Variants in BAZ2B observed in about 807,000 individuals in gnomAD.
BAZ2B encodes the protein bromodomain adjacent to zinc finger domain protein 2B.
BAZ2B carries 91 observed loss-of-function variants against 246.0 expected under a neutral mutation model. The observed-to-expected ratio is 0.37, with a 90% CI of 0.31 to 0.44. BAZ2B has a LOEUF of 0.44. Among genes scored for constraint, BAZ2B ranks in the 20% least tolerant of loss-of-function variants. BAZ2B has a pLI of 1.00. For synonymous variants in BAZ2B, 855 were observed against 860.0 expected (o/e 0.99, Z 0.10); for missense variants, 2,332 against 2,533.7 (o/e 0.92, Z 1.71).
At chr2:159,604,951 T>TGC (rs66698312) in intron 1 of BAZ2B, among the ~76,000 whole-genome samples, 39 of 144,428 alleles carry the variant, frequency 2.7e-4, no homozygotes, top group South Asian at 2.3e-3. Context: ...TGTGTGTGTG[T>TGC]GCGCGTGTGT....
chr2:159,673,739 A>T, the BAZ2B span, among the ~76,000 whole-genome samples: 1 of 152,206 alleles, frequency 6.6e-6, no homozygotes, highest in Non-Finnish European at 1.5e-5. Context: ...GCCAAAAATC[A>T]AACAAATCAA....
At chr2:159,381,147 C>T (rs1390175664) in intron 25 of BAZ2B, among the ~76,000 whole-genome samples, 1 of 151,988 alleles carries the variant, frequency 6.6e-6, no homozygotes, top group African/African-American at 2.4e-5. Flanking sequence ...TAAACCAATC[C>T]CCCTCTGTAA....
At chr2:159,316,689 C>CAAAAAAAAAAAA (rs765748671), downstream of BAZ2B, among the ~76,000 whole-genome samples, 58 of 36,260 alleles carry the variant, frequency 1.6e-3, 1 homozygote, top group Non-Finnish European at 2.0e-3. Flanking sequence ...GACTCCATCT[C>CAAAAAAAAAAAA]AAAAAAAAAA....
chr2:159,596,857 C>T, intron 1 of BAZ2B, among the ~76,000 whole-genome samples: 1 of 152,180 alleles, frequency 6.6e-6, no homozygotes, highest in Admixed American at 6.5e-5. Context: ...GCTGCAAATG[C>T]CATTAATTCA....
chr2:159,508,961 TA>T (rs2082624594), intron 2 of BAZ2B, among the ~76,000 whole-genome samples: 2 of 152,164 alleles, frequency 1.3e-5, no homozygotes, highest in African/African-American at 4.8e-5. Flanking sequence ...CTCACTCTTA[TA>T]ACCTTATCAA....
At chr2:159,680,002 A>G in the BAZ2B span, among the ~76,000 whole-genome samples, 2 of 152,238 alleles carry the variant, frequency 1.3e-5, no homozygotes, top group Non-Finnish European at 2.9e-5. Context: ...TATTCTCAAC[A>G]AACTGTAATC....
chr2:159,540,471 C>T (rs1231188665), intron 2 of BAZ2B, among the ~76,000 whole-genome samples: 1 of 152,228 alleles, frequency 6.6e-6, no homozygotes, highest in Non-Finnish European at 1.5e-5. Context: ...TCAGGGCACA[C>T]ACTAGCTGAT....
chr2:159,520,345 A>G (rs1470810557), intron 2 of BAZ2B, among the ~76,000 whole-genome samples: 1 of 151,810 alleles, frequency 6.6e-6, no homozygotes, highest in African/African-American at 2.4e-5. Flanking sequence ...CTCTTCTCCT[A>G]CCTCATTATC....
At chr2:159,496,193 G>A (rs1163596940) in intron 2 of BAZ2B, among the ~76,000 whole-genome samples, 3 of 149,510 alleles carry the variant, frequency 2.0e-5, no homozygotes, top group East Asian at 4.1e-4. Flanking sequence ...GGCCAACATG[G>A]TGAAACCCCA....
chr2:159,358,020 T>C (rs1254444140), intron 27 of BAZ2B, among the ~76,000 whole-genome samples: 2 of 152,114 alleles, frequency 1.3e-5, no homozygotes, highest in East Asian at 3.8e-4. Context: ...CATGCCAAAT[T>C]GTAGACCATC....
chr2:159,594,349 G>A (rs1003984972), intron 1 of BAZ2B, among the ~76,000 whole-genome samples: 1 of 152,194 alleles, frequency 6.6e-6, no homozygotes, highest in Admixed American at 6.5e-5. Context: ...GGAGCTTGCA[G>A]TGAGCTGAGA....
intron 31 of BAZ2B, among the ~76,000 whole-genome samples, chr2:159,342,791 C>CAATCATGCTTATGGATCAGAAG (rs1314307598): frequency 2.0e-5 from 3 of 151,974 alleles, no homozygotes; most frequent in Non-Finnish European, 4.4e-5. Flanking sequence ...TGAGAGGATA[C>CAATCATGCTTATGGATCAGAAG]AATCATGCTT....
At chr2:159,606,796 G>A (rs1253435433) in intron 1 of BAZ2B, among the ~76,000 whole-genome samples, 1 of 151,968 alleles carries the variant, frequency 6.6e-6, no homozygotes, top group Non-Finnish European at 1.5e-5. Context: ...ATGAAGTTAG[G>A]AAAAGACTAA....
At chr2:159,603,419 T>G (rs1337204538) in intron 1 of BAZ2B, among the ~76,000 whole-genome samples, 1 of 152,216 alleles carries the variant, frequency 6.6e-6, no homozygotes. Context: ...TGAAATTTCT[T>G]TCCTCAAGCT....
chr2:159,539,160 T>C (rs2086359361), intron 2 of BAZ2B, among the ~76,000 whole-genome samples: 1 of 152,224 alleles, frequency 6.6e-6, no homozygotes, highest in Admixed American at 6.5e-5. Context: ...CATACACCTC[T>C]ACTGTGCCAT....
At chr2:159,472,713 G>A (rs1204635499) in intron 3 of BAZ2B, among the ~76,000 whole-genome samples, 8 of 152,092 alleles carry the variant, frequency 5.3e-5, no homozygotes, top group South Asian at 2.1e-4. Context: ...GAATATTATC[G>A]CAGGCCTTTT....
At chr2:159,649,683 C>T in the BAZ2B span, among the ~76,000 whole-genome samples, 3 of 152,090 alleles carry the variant, frequency 2.0e-5, no homozygotes, top group Non-Finnish European at 2.9e-5. Flanking sequence ...CCTACACTGA[C>T]GTAGTTTTCT....
intron 21 of BAZ2B, among the ~76,000 whole-genome samples, chr2:159,387,906 A>G (rs1381854644): frequency 6.6e-6 from 1 of 152,116 alleles, no homozygotes; most frequent in South Asian, 2.1e-4. Flanking sequence ...TACAACTAGT[A>G]AGTATACTCT....
chr2:159,463,166 C>T, intron 3 of BAZ2B: 1 of 609,870 alleles, frequency 1.6e-6, no homozygotes, highest in Non-Finnish European at 3.1e-6. Context: ...CTGAATACTT[C>T]ATTAAATTCT....
Sources: allele counts gnomAD v4.1 joint callset (sites outside exome capture counted in the v4.1 genomes callset), GRCh38; gene constraint gnomAD v4.1.1; transcripts MANE v1.5; gene names NCBI Gene and HGNC (gene_info 2026-07-23, HGNC 2026-07-21).